TMEM185B: variants seen among roughly 807,000 people sequenced by gnomAD.
TMEM185B encodes the protein ee3_2.
A neutral mutation model predicts 26.2 loss-of-function variants in TMEM185B; 9 were observed. The ratio of observed to expected loss-of-function variants is 0.34; its 90% CI spans 0.21 to 0.60. TMEM185B has a LOEUF of 0.60. Ranked by LOEUF, TMEM185B falls within the 20% of genes least tolerant of loss-of-function variation. The probability of loss-of-function intolerance (pLI) is 0.80; values close to 1 mark genes in which losing one functional copy is unlikely to be tolerated. For missense variants in TMEM185B, 392 were observed against 447.9 expected (o/e 0.88, Z 1.13); for synonymous variants, 204 against 191.8 (o/e 1.06, Z -0.52).
rs1323565841 is a variant in TMEM185B, at chr2:120,221,647, T to C, written c.*277A>G. The C allele has an allele frequency of 2.2e-6, 1 of 456,586 alleles. No homozygotes were observed. Among genetic ancestry groups the C allele is most frequent in the African/African-American group, 2.0e-5 (1 of 50,748 alleles). The allele number at this position is 456,586 out of a possible 1,614,324, so 28.3% of individuals were successfully genotyped here. ...AGCATTTAAACAAACAGCTGTGTGGTTATTCCTTTTGAGGACCTACTAAAA... is the reference window on the plus strand; with the variant it reads ...AGCATTTAAACAAACAGCTGTGTGGCTATTCCTTTTGAGGACCTACTAAAA... On this transcript the variant is annotated 3_prime_UTR_variant, in exon 1 of 1. Transcript: ENST00000426077.
In TMEM185B at chr2:120,222,604, C is replaced by T; in HGVS notation, c.373G>A (p.Val125Met). Reference protein sequence around the residue: ...VFMPLFFVSPVSVAACVWGFR... With the variant: ...VFMPLFFVSPMSVAACVWGFR... ...CCCCAGACGCAGGCAGCCACGGACACGGGGGACACGAAGAAGAGAGGCATG... is the reference window on the plus strand; with the variant it reads ...CCCCAGACGCAGGCAGCCACGGACATGGGGGACACGAAGAAGAGAGGCATG... The change falls in exon 1 of 1, where the codon GTG (valine) becomes ATG (methionine). Residue 125 changes from valine to methionine, a missense_variant. Physicochemically the swap from Val to Met is conservative, Grantham distance 21. This residue lies in a region of TMEM185B where 175 missense variants were observed against 169.1 expected (regional missense o/e 1.03). Coordinates refer to ENST00000426077, the MANE Select transcript of TMEM185B (RefSeq NM_024121.3). The T allele has an allele frequency of 1.3e-6, 2 of 1,536,470 alleles. No homozygotes were observed. Among genetic ancestry groups the T allele is most frequent in the Admixed American group, 2.0e-5 (1 of 51,010 alleles).
In TMEM185B at chr2:120,221,544, C is replaced by T. The variant is rs952922528; in HGVS notation, c.*380G>A. 1.1e-4 allele frequency: 19 copies of T among 172,646 alleles called. No homozygotes were observed. Among genetic ancestry groups the T allele is most frequent in the Middle Eastern group, 5.3e-3 (2 of 380 alleles). 10.7% of individuals were successfully genotyped at this position (172,646 alleles called of 1,614,324 possible). ...CTTTTTACATTTGCTATTGTTATGA[C>T]AGGCACAATCTGAAATACAATTTTA... is the stretch of plus-strand genomic sequence containing the variant. On this transcript the variant is annotated 3_prime_UTR_variant, in exon 1 of 1. Transcript: ENST00000426077.
rs557563506 is a variant in TMEM185B at position 120,220,576 on chromosome 2, C to T, written c.*1348G>A. On this transcript the variant is annotated 3_prime_UTR_variant, in exon 1 of 1. Transcript: ENST00000426077. ...AGAAACCCTGTCTCTATTAAAAATA[C>T]GAAATTAGCCAGGCGTGGTGGTGCA... Among the ~76,000 whole-genome samples, 12 of 152,182 alleles carry T rather than the reference C, an allele frequency of 7.9e-5. No homozygotes were observed. The highest frequency in any genetic ancestry group is 4.1e-4 in the South Asian group (2 of 4,820).
chr2:120,223,370 C>T lies in TMEM185B; in HGVS notation c.-394G>A, dbSNP rs1179464050. 2 of 160,476 alleles carry T rather than the reference C, an allele frequency of 1.2e-5. No individual in the cohort carries two copies. The highest frequency in any genetic ancestry group is 4.8e-5 in the African/African-American group (2 of 41,820). The allele number at this position is 160,476 out of a possible 1,614,324, so 9.9% of individuals were successfully genotyped here. Reference sequence around the variant, plus strand: ...GCCCGCGACCTTGGGCGGACGCTTCCAGGCGACTCCGGGAACATGGAGGCG... The same window carrying T: ...GCCCGCGACCTTGGGCGGACGCTTCTAGGCGACTCCGGGAACATGGAGGCG... On this transcript the variant is annotated 5_prime_UTR_variant, in exon 1 of 1. Coordinates refer to ENST00000426077, the MANE Select transcript of TMEM185B (RefSeq NM_024121.3).
In TMEM185B at chr2:120,220,653, C is replaced by T. The variant is rs896270384; in HGVS notation, c.*1271G>A. 1.3e-4 allele frequency among the ~76,000 whole-genome samples: 20 copies of T among 152,108 alleles called. No homozygotes were observed. The highest frequency in any genetic ancestry group is 2.1e-4 in the South Asian group (1 of 4,824). ...GCTGAGGCAGAAGAATCGCTTGAAC[C>T]GGGAGGCGGAGGCTGCGGCGAGCTG... On this transcript the variant is annotated 3_prime_UTR_variant, in exon 1 of 1. Coordinates refer to ENST00000426077, the MANE Select transcript of TMEM185B (RefSeq NM_024121.3).
Position 120,221,640 on chromosome 2 carries a change from T to A in TMEM185B, c.*284A>T. ...GTACAGTAGCATTTAAACAAACAGC[T>A]GTGTGGTTATTCCTTTTGAGGACCT... is the stretch of plus-strand genomic sequence containing the variant. On this transcript the variant is annotated 3_prime_UTR_variant, in exon 1 of 1. Coordinates refer to ENST00000426077, the MANE Select transcript of TMEM185B (RefSeq NM_024121.3). 2.3e-6 allele frequency: 1 copy of A among 441,464 alleles called. No individual in the cohort carries two copies. The highest frequency in any genetic ancestry group is 4.0e-6 in the Non-Finnish European group (1 of 248,076). The allele number at this position is 441,464 out of a possible 1,614,324, so 27.3% of individuals were successfully genotyped here.
In TMEM185B at chr2:120,222,283, C is replaced by G; in HGVS notation, c.694G>C (p.Val232Leu). Residue 232 changes from valine (V) to leucine (L), a missense_variant, in exon 1 of 1, where the codon GTT becomes CTT. Coordinates refer to ENST00000426077, the MANE Select transcript of TMEM185B (RefSeq NM_024121.3). ...GTATTGTGGCCATCCAATCTGTGAA[C>G]CAGCAGGACCTCAAAAGTGAGCAGA... ...VPLLTFEVLL[V>L]HRLDGHNTFS... 3 of 1,536,246 alleles carry G rather than the reference C, an allele frequency of 2.0e-6. No homozygotes were observed. Among genetic ancestry groups the G allele is most frequent in the East Asian group, 4.9e-5 (2 of 40,924 alleles).
rs866810178 is a variant in TMEM185B, at chr2:120,219,886, C to T, written c.*2038G>A. 1.3e-5 allele frequency among the ~76,000 whole-genome samples: 2 copies of T among 152,230 alleles called. No individual in the cohort carries two copies. Among genetic ancestry groups the T allele is most frequent in the Middle Eastern group, 3.2e-3 (1 of 316 alleles). ...CCACTGCATCCCCACTGCCTGGCACCATGCTTGGCTCGGGGTAGGTCTTCA... is the reference window on the plus strand; with the variant it reads ...CCACTGCATCCCCACTGCCTGGCACTATGCTTGGCTCGGGGTAGGTCTTCA... On this transcript the variant is annotated 3_prime_UTR_variant, in exon 1 of 1. Coordinates refer to ENST00000426077, the MANE Select transcript of TMEM185B (RefSeq NM_024121.3).
rs1462033220 is a variant in TMEM185B at position 120,222,743 on chromosome 2, A to G, written c.234T>C (p.Cys78=). The G allele has an allele frequency of 5.9e-6, 9 of 1,536,408 alleles. No homozygotes were observed. The highest frequency in any genetic ancestry group is 7.8e-6 in the Non-Finnish European group (9 of 1,146,958). The change falls in exon 1 of 1, where the codon TGT becomes TGC. Residue 78 remains cysteine (C), a synonymous_variant. Transcript: ENST00000426077. ...CGATCAGCATGGCTTTGAACTCCACACAGGCCTCTCCCTCGGTGCGGTAGC... is the reference window on the plus strand; with the variant it reads ...CGATCAGCATGGCTTTGAACTCCACGCAGGCCTCTCCCTCGGTGCGGTAGC... ...NPRYRTEGEA[C]VEFKAMLIAV...
chr2:120,221,956 G>T lies in TMEM185B; in HGVS notation c.1021C>A (p.Pro341Thr), dbSNP rs751962594. Residue 341 changes from proline to threonine, a missense_variant, in exon 1 of 1, where the codon CCT becomes ACT. By Grantham distance (38) the Pro-to-Thr change is conservative. Coordinates refer to ENST00000426077, the MANE Select transcript of TMEM185B (RefSeq NM_024121.3). ...TQSPGKYVPP[P>T]PKLNIDMPD Reference sequence around the variant, plus strand: ...GGCATATCAATATTTAACTTGGGAGGGGGGGGAACGTATTTCCCAGGGCTC... The same window carrying T: ...GGCATATCAATATTTAACTTGGGAGTGGGGGGAACGTATTTCCCAGGGCTC... 4.6e-5 allele frequency: 70 copies of T among 1,533,976 alleles called. No homozygotes were observed. The Middle Eastern group carries it at 6.7e-4, about 15-fold the overall frequency.
At position 120,222,811 on chromosome 2, in the gene TMEM185B, C is replaced by A; in HGVS notation, c.166G>T (p.Ala56Ser). The A allele has an allele frequency of 6.5e-7, 1 of 1,527,688 alleles. No homozygotes were observed. The highest frequency in any genetic ancestry group is 8.7e-7 in the Non-Finnish European group (1 of 1,143,060). The allele number at this position is 1,527,688 out of a possible 1,614,324, so 94.6% of individuals were successfully genotyped here. A position where few individuals can be genotyped will look rare whatever the true frequency, so the allele number is the denominator to read the frequency against. The change falls in exon 1 of 1, where the codon GCA becomes TCA. Residue 56 changes from alanine to serine, a missense_variant. Transcript: ENST00000426077. Reference sequence around the variant, plus strand: ...ACGCCCGCGCCCACGGAGGCGCCTGCGACGACTAGAAGCTTCCACAGCCAT... The same window carrying A: ...ACGCCCGCGCCCACGGAGGCGCCTGAGACGACTAGAAGCTTCCACAGCCAT... Reference protein sequence around the residue: ...PIWLWKLLVVAGASVGAGVWA... With the variant: ...PIWLWKLLVVSGASVGAGVWA...
In TMEM185B at chr2:120,221,985, G is replaced by A. The variant is rs1688595593; in HGVS notation, c.992C>T (p.Thr331Ile). The change falls in exon 1 of 1, where the codon ACC becomes ATC. Residue 331 changes from threonine to isoleucine, a missense_variant. This residue lies in a region of TMEM185B where 176 missense variants were observed against 201.6 expected (regional missense o/e 0.87). Coordinates refer to ENST00000426077, the MANE Select transcript of TMEM185B (RefSeq NM_024121.3). ...GGGAACGTATTTCCCAGGGCTCTGG[G>A]TTATAACTACTCTGGCCTTCTTTCC... ...IFGKKARVVI[T>I]QSPGKYVPPP... 3 of 1,537,616 alleles carry A rather than the reference G, an allele frequency of 2.0e-6. No individual in the cohort carries two copies. The highest frequency in any genetic ancestry group is 2.6e-6 in the Non-Finnish European group (3 of 1,146,900).
rs568080581 is a variant in TMEM185B, at chr2:120,220,252, T to C, written c.*1672A>G. Among the ~76,000 whole-genome samples, 3 of 152,362 alleles carry C rather than the reference T, an allele frequency of 2.0e-5. No homozygotes were observed. The highest frequency in any genetic ancestry group is 4.1e-4 in the South Asian group (2 of 4,828). ...CCAGGGCAAAGTGTGTGGAGCCCAT[T>C]TGAGATCATTTTTAGTAAGTTACTA... On this transcript the variant is annotated 3_prime_UTR_variant, in exon 1 of 1. Transcript: ENST00000426077.
chr2:120,223,272 C>G lies in TMEM185B; in HGVS notation c.-296G>C. ...GGTCCCGCCGCCGCCCGCGTTCACT[C>G]CGTACCCATCAAGAAGGCACCTAAT... is the stretch of plus-strand genomic sequence containing the variant. On this transcript the variant is annotated 5_prime_UTR_variant, in exon 1 of 1. Coordinates refer to ENST00000426077, the MANE Select transcript of TMEM185B (RefSeq NM_024121.3). 1 of 238,724 alleles carries G rather than the reference C, an allele frequency of 4.2e-6. No individual in the cohort carries two copies. The highest frequency in any genetic ancestry group is 8.0e-6 in the Non-Finnish European group (1 of 124,410). The allele number at this position is 238,724 out of a possible 1,614,324, so 14.8% of individuals were successfully genotyped here.
In TMEM185B at chr2:120,223,011, C is replaced by T. The variant is rs1688618274; in HGVS notation, c.-35G>A. On this transcript the variant is annotated 5_prime_UTR_variant, in exon 1 of 1. Transcript: ENST00000426077. ...CGCCGCTTGCCTGCCCGGGCCTGCT[C>T]CCTCGCGACGCTCGGCGCTCGCGTC... 5.9e-6 allele frequency: 8 copies of T among 1,347,766 alleles called. No individual in the cohort carries two copies. Among genetic ancestry groups the T allele is most frequent in the Non-Finnish European group, 7.6e-6 (8 of 1,050,022 alleles). 83.5% of individuals were successfully genotyped at this position (1,347,766 alleles called of 1,614,324 possible). A position where few individuals can be genotyped will look rare whatever the true frequency, so the allele number is the denominator to read the frequency against.
Position 120,221,534 on chromosome 2 carries a change from A to T in TMEM185B, c.*390T>A. 1 of 166,958 alleles carries T rather than the reference A, an allele frequency of 6.0e-6. No homozygotes were observed. Among genetic ancestry groups the T allele is most frequent in the East Asian group, 1.7e-4 (1 of 5,728 alleles). 10.3% of individuals were successfully genotyped at this position (166,958 alleles called of 1,614,324 possible). A position where few individuals can be genotyped will look rare whatever the true frequency, so the allele number is the denominator to read the frequency against. On this transcript the variant is annotated 3_prime_UTR_variant, in exon 1 of 1. Coordinates refer to ENST00000426077, the MANE Select transcript of TMEM185B (RefSeq NM_024121.3). ...GGAAAGAGAACTTTTTACATTTGCT[A>T]TTGTTATGACAGGCACAATCTGAAA...
rs1458591516 is a variant in TMEM185B at position 120,218,360 on chromosome 2, C to T, written c.*3564G>A. On this transcript the variant is annotated 3_prime_UTR_variant, in exon 1 of 1. Transcript: ENST00000426077. The stretch of plus-strand genomic sequence containing the variant: ...GTGGCTGTGGCAAGTGCTGCATCTC[C>T]AGCAAATGGTCCCTGTGGTGCAGCC... 6.6e-6 allele frequency among the ~76,000 whole-genome samples: 1 copy of T among 152,220 alleles called. No homozygotes were observed. The highest frequency in any genetic ancestry group is 1.5e-5 in the Non-Finnish European group (1 of 68,040).
Position 120,223,116 on chromosome 2 carries a change from G to A in TMEM185B, c.-140C>T, listed in dbSNP as rs1688621531. ...GGACGAATGCCGGGACGACCAGGAG[G>A]AGGTTCGGAGCGGCGAAGCGGAGAG... On this transcript the variant is annotated 5_prime_UTR_variant, in exon 1 of 1. Transcript: ENST00000426077. The A allele has an allele frequency of 5.1e-6, 3 of 584,568 alleles. No individual in the cohort carries two copies. The highest frequency in any genetic ancestry group is 3.6e-5 in the East Asian group (1 of 28,012). The allele number at this position is 584,568 out of a possible 1,614,324, so 36.2% of individuals were successfully genotyped here. A position where few individuals can be genotyped will look rare whatever the true frequency, so the allele number is the denominator to read the frequency against.
chr2:120,221,903 GC>G lies in TMEM185B; in HGVS notation c.*20del. 6.7e-7 allele frequency: 1 copy of G among 1,493,296 alleles called. No homozygotes were observed. The highest frequency in any genetic ancestry group is 8.9e-7 in the Non-Finnish European group (1 of 1,125,506). 92.5% of individuals were successfully genotyped at this position (1,493,296 alleles called of 1,614,324 possible). On this transcript the variant is annotated 3_prime_UTR_variant, in exon 1 of 1. Coordinates refer to ENST00000426077, the MANE Select transcript of TMEM185B (RefSeq NM_024121.3). ...CGAAGGCCAAGTGGAGTCTGTGTGT[GC>G]CTGGGTCCTCTCTAGGAGTTTAATC... is the stretch of plus-strand genomic sequence containing the variant.
Sources: allele counts gnomAD v4.1 joint callset (sites outside exome capture counted in the v4.1 genomes callset), GRCh38; gene constraint gnomAD v4.1.1; regional missense constraint gnomAD v4.1.1; transcripts MANE v1.5; gene names NCBI Gene and HGNC (gene_info 2026-07-23, HGNC 2026-07-21).